DPYSL2: variants seen among roughly 807,000 people sequenced by gnomAD.
The protein encoded by DPYSL2 is dihydropyrimidinase-related protein 2.
DPYSL2 carries 13 observed loss-of-function variants against 69.9 expected under a neutral mutation model. The observed-to-expected ratio is 0.19, with a 90% confidence interval of 0.12 to 0.30. The LOEUF is 0.30. Among genes scored for constraint, DPYSL2 ranks in the 10% least tolerant of loss-of-function variants. The pLI, the probability that DPYSL2 is intolerant of heterozygous loss-of-function variation, is 1.00. For synonymous variants in DPYSL2, 326 were observed against 359.1 expected, an observed-to-expected ratio of 0.91 and a Z score of 1.04; for missense variants, 587 against 918.9, an observed-to-expected ratio of 0.64 and a Z score of 4.67.
intron 3 of DPYSL2, among the ~76,000 whole-genome samples, chr8:26,622,811 TCAGAATTTAG>T (rs1489956978): frequency 2.0e-5 from 3 of 152,214 alleles, no homozygotes; most frequent in Non-Finnish European, 4.4e-5. Context: ...GCCCAGTTGA[TCAGAATTTAG>T]CAGTATCTGC....
intron 7 of DPYSL2, among the ~76,000 whole-genome samples, chr8:26,633,795 C>T (rs547761541): frequency 1.3e-5 from 2 of 152,332 alleles, no homozygotes; most frequent in Admixed American, 1.3e-4. Flanking sequence ...ATTTAAAGCG[C>T]CAGATTATTT....
At chr8:26,558,803 C>T (rs1334901351) in intron 1 of DPYSL2, among the ~76,000 whole-genome samples, 1 of 152,090 alleles carries the variant, frequency 6.6e-6, no homozygotes, top group Non-Finnish European at 1.5e-5. Flanking sequence ...AGATGGGATC[C>T]TAATGTATAA....
rs1268016467 is a variant in DPYSL2 at position 26,653,189 on chromosome 8, C to T, written c.1777-43C>T. ...AGGAGGGTTTCTAGAGAGGTATCCTCTGTGGCTGTGGCCTGAGCTGGGGGG... is the reference window on the plus strand; with the variant it reads ...AGGAGGGTTTCTAGAGAGGTATCCTTTGTGGCTGTGGCCTGAGCTGGGGGG... On this transcript the variant is annotated intron_variant, in intron 12 of 13. Transcript: ENST00000521913. This position sits in a 1 kb window ranked among gnomAD's most constrained non-coding sequence, Gnocchi z 5.7. The T allele has an allele frequency of 1.9e-6, 3 of 1,600,292 alleles. No homozygotes were observed. The highest frequency in any genetic ancestry group is 1.3e-5 in the African/African-American group (1 of 74,694).
chr8:26,515,510 C>G (rs888261209), intron 1 of DPYSL2, among the ~76,000 whole-genome samples: 1 of 152,188 alleles, frequency 6.6e-6, no homozygotes, highest in Non-Finnish European at 1.5e-5. Flanking sequence ...GAAGACTAAA[C>G]CCCCTTTTAT....
intron 1 of DPYSL2, among the ~76,000 whole-genome samples, chr8:26,538,783 GA>G (rs61147377): frequency 0.014 from 2,104 of 152,310 alleles, 50 homozygotes; most frequent in African/African-American, 0.047. Context: ...TCACTGCAGT[GA>G]GTGTATTTAC....
chr8:26,545,317 T>C (rs1800748519), intron 1 of DPYSL2, among the ~76,000 whole-genome samples: 1 of 152,184 alleles, frequency 6.6e-6, no homozygotes, highest in Admixed American at 6.5e-5. Context: ...AGTACCTTTT[T>C]CAACCACAAT....
Position 26,619,156 on chromosome 8 carries a change from G to A in DPYSL2, c.629-4987G>A, listed in dbSNP as rs1218986189. 6.6e-6 allele frequency among the ~76,000 whole-genome samples: 1 copy of A among 152,112 alleles called. No homozygotes were observed. Among genetic ancestry groups the A allele is most frequent in the Non-Finnish European group, 1.5e-5 (1 of 68,030 alleles). The stretch of plus-strand genomic sequence containing the variant: ...GCTCAGGGAGGTCACCAGAGGAAAG[G>A]CCTGTGAGCTCTGTGCAAGTCATTT... On this transcript the variant is annotated intron_variant, in intron 3 of 13. Transcript: ENST00000521913. The surrounding 1 kb of genome is among the most constrained non-coding windows in gnomAD (Gnocchi z 4.8).
chr8:26,525,047 T>G (rs1808454610), intron 1 of DPYSL2, among the ~76,000 whole-genome samples: 1 of 152,202 alleles, frequency 6.6e-6, no homozygotes, highest in Non-Finnish European at 1.5e-5. Context: ...TTAGTTTTCC[T>G]CTAATTTTTA....
In DPYSL2 at chr8:26,598,945, G is replaced by A. The variant is rs56998889; in HGVS notation, c.628+14962G>A. Among the ~76,000 whole-genome samples, 4,004 of 152,322 alleles carry A rather than the reference G, an allele frequency of 0.026. 167 individuals carry two copies. The highest frequency in any genetic ancestry group is 0.09 in the African/African-American group (3,728 of 41,572). On this transcript the variant is annotated intron_variant, in intron 3 of 13. Transcript: ENST00000521913. The surrounding 1 kb of genome is among the most constrained non-coding windows in gnomAD (Gnocchi z 4.2). ...AGCTGCGCAAGTGTCGTGCATGTGCGTTTGGCTCACACCCAGCGGGAGTGC... is the reference window on the plus strand; with the variant it reads ...AGCTGCGCAAGTGTCGTGCATGTGCATTTGGCTCACACCCAGCGGGAGTGC...
At chr8:26,630,003 G>A (rs2129925359) in intron 7 of DPYSL2, among the ~76,000 whole-genome samples, 1 of 152,186 alleles carries the variant, frequency 6.6e-6, no homozygotes, top group South Asian at 2.1e-4. Flanking sequence ...ACGTCCATAG[G>A]CACAGACATG....
At chr8:26,544,858 A>C (rs920240211) in intron 1 of DPYSL2, among the ~76,000 whole-genome samples, 3 of 152,256 alleles carry the variant, frequency 2.0e-5, no homozygotes, top group African/African-American at 4.8e-5. Context: ...AGAGGGGGCT[A>C]TACTTATATC....
intron 11 of DPYSL2, among the ~76,000 whole-genome samples, chr8:26,651,024 A>G (rs577309397): frequency 6.6e-6 from 1 of 152,336 alleles, no homozygotes; most frequent in East Asian, 1.9e-4. Context: ...TATAAGACAC[A>G]TTCTGACTTC....
intron 1 of DPYSL2, among the ~76,000 whole-genome samples, chr8:26,572,440 TCAG>T (rs1158739586): frequency 6.6e-6 from 1 of 152,204 alleles, no homozygotes; most frequent in African/African-American, 2.4e-5. Flanking sequence ...CTCCCTGCAT[TCAG>T]TCCTGCTTGA....
chr8:26,556,793 A>G (rs1800995596), intron 1 of DPYSL2, among the ~76,000 whole-genome samples: 1 of 152,082 alleles, frequency 6.6e-6, no homozygotes, highest in Admixed American at 6.6e-5. Flanking sequence ...GGCAACATGA[A>G]ATTGAAGGAG....
rs1486695080 is a variant in DPYSL2, at chr8:26,514,142, A to AG, written c.-179dup. 21 of 437,934 alleles carry AG rather than the reference A, an allele frequency of 4.8e-5. No individual in the cohort carries two copies. In the South Asian group the frequency reaches 1.4e-3, roughly 29 times the overall value. 27.1% of individuals were successfully genotyped at this position (437,934 alleles called of 1,614,324 possible). ...GGGCAGGGAGGGGAGAAGCGGGGTC[A>AG]GGGGGAGGGACCGGGAGGGTGGGTC... On this transcript the variant is annotated 5_prime_UTR_variant, in exon 1 of 14. Transcript: ENST00000521913. The surrounding 1 kb of genome is among the most constrained non-coding windows in gnomAD (Gnocchi z 8.4).
rs563371941 is a variant in DPYSL2 at position 26,643,403 on chromosome 8, T to C, written c.1127-36T>C. The C allele has an allele frequency of 6.5e-7, 1 of 1,536,222 alleles. No homozygotes were observed. The highest frequency in any genetic ancestry group is 1.4e-5 in the African/African-American group (1 of 72,448). On this transcript the variant is annotated intron_variant, in intron 8 of 13. Coordinates refer to ENST00000521913, the MANE Select transcript of DPYSL2 (RefSeq NM_001197293.3). This position sits in a 1 kb window ranked among gnomAD's most constrained non-coding sequence, Gnocchi z 6.5. ...AGGGGTGGTTCCCTTCCCCCTGCAT[T>C]GTGTTGGACTGAACCTTGTGTGTTC...
At chr8:26,616,400 A>C (rs1802348898) in intron 3 of DPYSL2, among the ~76,000 whole-genome samples, 1 of 152,206 alleles carries the variant, frequency 6.6e-6, no homozygotes, top group Non-Finnish European at 1.5e-5. Context: ...GGTAGATGCC[A>C]GCTCGGGAAA....
rs1803267973 is a variant in DPYSL2 at position 26,650,875 on chromosome 8, A to C, written c.1597-1382A>C. 6.6e-6 allele frequency among the ~76,000 whole-genome samples: 1 copy of C among 152,186 alleles called. No individual in the cohort carries two copies. Among genetic ancestry groups the C allele is most frequent in the Non-Finnish European group, 1.5e-5 (1 of 68,036 alleles). ...AATGCATGCCGCCTGTGTGGTCCAG[A>C]ACAATGTCAAGCTGAGAATTTACTG... On this transcript the variant is annotated intron_variant, in intron 11 of 13. Coordinates refer to ENST00000521913, the MANE Select transcript of DPYSL2 (RefSeq NM_001197293.3). The surrounding 1 kb of genome is among the most constrained non-coding windows in gnomAD (Gnocchi z 5.3).
rs554579602 is a variant in DPYSL2, at chr8:26,561,572, C to T, written c.355-20397C>T. On this transcript the variant is annotated intron_variant, in intron 1 of 13. Transcript: ENST00000521913. ...ATAATCCCACACCCCCACTTCACCC[C>T]GCTACTCACTTGGTCTTTCTTACAT... 3.5e-4 allele frequency among the ~76,000 whole-genome samples: 53 copies of T among 152,100 alleles called. 1 individual carries two copies. Among genetic ancestry groups the T allele is most frequent in the African/African-American group, 1.0e-3 (42 of 41,484 alleles).
Sources: allele counts gnomAD v4.1 joint callset (sites outside exome capture counted in the v4.1 genomes callset), GRCh38; gene constraint gnomAD v4.1.1; non-coding constraint Gnocchi (gnomAD v3.1); transcripts MANE v1.5; gene names NCBI Gene and HGNC (gene_info 2026-07-23, HGNC 2026-07-21).